The following DOP1B variants were observed in gnomAD, a reference collection of about 807,000 sequenced individuals.
DOP1B encodes protein DOP1B.
In DOP1B, 174 loss-of-function variants were observed where a neutral mutation model predicts 233.5. The observed-to-expected ratio is 0.75, with a 90% CI of 0.66 to 0.85. The LOEUF (loss-of-function observed/expected upper bound fraction) is 0.85, where lower values mean the gene tolerates loss of function less well. DOP1B is among the 40% of genes least tolerant of loss of function. DOP1B has a pLI of 0.00. For synonymous variants in DOP1B, 1,190 were observed against 1,185.6 expected (o/e 1.00, Z -0.08); for missense variants, 2,652 against 2,846.6 (o/e 0.93, Z 1.56).
intron 8 of DOP1B, 28 bp downstream of exon 8, chr21:36,214,218 G>T (rs1008024369): frequency 5.1e-6 from 8 of 1,563,394 alleles, no homozygotes; most frequent in South Asian, 1.1e-5. Flanking sequence ...GAAAGTTCAG[G>T]GTATCCTTGG....
chr21:36,208,902 A>G lies in DOP1B; in HGVS notation c.679A>G (p.Thr227Ala), dbSNP rs777451213. ...KYMLGTNHQLTVKSLRASLLD... is the reference protein window; with the variant it reads ...KYMLGTNHQLAVKSLRASLLD... ...CATGCTGGGGACCAATCACCAACTCACGGTGGGTGCTGTGTTCCTCACAGG... is the reference window on the plus strand; with the variant it reads ...CATGCTGGGGACCAATCACCAACTCGCGGTGGGTGCTGTGTTCCTCACAGG... Residue 227 changes from threonine (T) to alanine (A), a missense_variant and splice_region_variant, in exon 5 of 37, where the codon ACG (threonine) becomes GCG (alanine). This residue lies in a region of DOP1B where 2,617 missense variants were observed against 2,794.3 expected (regional missense o/e 0.94). Transcript: ENST00000691173. 6.5e-7 allele frequency: 1 copy of G among 1,529,460 alleles called. No individual in the cohort carries two copies. The highest frequency in any genetic ancestry group is 2.4e-5 in the East Asian group (1 of 41,764). The allele number at this position is 1,529,460 out of a possible 1,614,324, so 94.7% of individuals were successfully genotyped here.
intron 2 of DOP1B, chr21:36,169,439 A>C: frequency 9.6e-7 from 1 of 1,041,878 alleles, no homozygotes; most frequent in South Asian, 1.3e-5. Flanking sequence ...CACCTTGCAC[A>C]GGCCTCGGTG....
At chr21:36,278,118 A>G (rs749328264) in intron 29 of DOP1B, 34 bp downstream of exon 29, 2 of 1,612,790 alleles carry the variant, frequency 1.2e-6, no homozygotes, top group Admixed American at 1.7e-5. Context: ...TCCCACCCAT[A>G]TGCAGAAAAA....
chr21:36,170,028 A>T, intron 2 of DOP1B: 1 of 737,682 alleles, frequency 1.4e-6, no homozygotes, highest in Non-Finnish European at 2.5e-6. Flanking sequence ...GGGTCATGCC[A>T]GCCTTGTATC....
At chr21:36,158,079 A>G (rs1430467158) in intron 1 of DOP1B, among the ~76,000 whole-genome samples, 1 of 152,120 alleles carries the variant, frequency 6.6e-6, no homozygotes, top group African/African-American at 2.4e-5. Flanking sequence ...GATTACAGGT[A>G]TGAGCCACAG....
At chr21:36,284,265 CTTTTT>C (rs71326667) in intron 32 of DOP1B, among the ~76,000 whole-genome samples, 8 of 75,870 alleles carry the variant, frequency 1.1e-4, no homozygotes, top group East Asian at 3.0e-4. Flanking sequence ...TTCCTTCTTT[CTTTTT>C]TTTTTTTTTT....
intron 23 of DOP1B, among the ~76,000 whole-genome samples, chr21:36,260,180 G>A (rs1433235428): frequency 1.4e-5 from 2 of 139,564 alleles, no homozygotes; most frequent in African/African-American, 5.2e-5. Context: ...AAGGAAAGAA[G>A]GAATGCAAAG....
chr21:36,279,077 C>G (rs778859396), intron 30 of DOP1B, among the ~76,000 whole-genome samples: 1 of 151,894 alleles, frequency 6.6e-6, no homozygotes, highest in Non-Finnish European at 1.5e-5. Flanking sequence ...CACTGAGACT[C>G]AGATGCAAGA....
chr21:36,245,268 A>G lies in DOP1B; in HGVS notation c.3288A>G (p.Pro1096=), dbSNP rs1271380078. The G allele has an allele frequency of 1.2e-6, 2 of 1,613,994 alleles. No homozygotes were observed. Among genetic ancestry groups the G allele is most frequent in the Admixed American group, 3.3e-5 (2 of 60,008 alleles). Residue 1096 remains proline (P), a synonymous_variant, in exon 19 of 37, where the codon CCA becomes CCG. Transcript: ENST00000691173. This position sits in a 1 kb window ranked among gnomAD's most constrained non-coding sequence, Gnocchi z 5.5. ...EEELPYYVEL[P]DRTAHGAPDS... The stretch of plus-strand genomic sequence containing the variant: ...AGCTGCCCTACTACGTGGAGCTTCC[A>G]GACAGGACGGCCCACGGCGCCCCGG...
Position 36,190,641 on chromosome 21 carries a change from A to G in DOP1B, c.139-8429A>G, listed in dbSNP as rs190164757. Among the ~76,000 whole-genome samples the G allele has an allele frequency of 5.9e-5, 9 of 152,210 alleles. No individual in the cohort carries two copies. The East Asian group carries it at 1.7e-3, about 29-fold the overall frequency. ...TCAAACTCCTGACCTCAAGCGATCTACCTGCCTCGGCCTCCTAAAGTGTGG... is the reference window on the plus strand; with the variant it reads ...TCAAACTCCTGACCTCAAGCGATCTGCCTGCCTCGGCCTCCTAAAGTGTGG... On this transcript the variant is annotated intron_variant, in intron 2 of 36. Coordinates refer to ENST00000691173, the MANE Select transcript of DOP1B (RefSeq NM_001320714.2).
At chr21:36,188,399 T>C (rs1246403192) in intron 2 of DOP1B, among the ~76,000 whole-genome samples, 2 of 152,186 alleles carry the variant, frequency 1.3e-5, no homozygotes, top group African/African-American at 4.8e-5. Flanking sequence ...TCCCTCAAGC[T>C]GGCAAAGCAA....
chr21:36,211,665 A>T lies in DOP1B; in HGVS notation c.780+14A>T, dbSNP rs1282592127. 6.2e-7 allele frequency: 1 copy of T among 1,612,086 alleles called. No homozygotes were observed. The highest frequency in any genetic ancestry group is 1.7e-5 in the Admixed American group (1 of 59,998). ...TATACCTGTCTGGTAAGTAATTTGTACTCTTCTGGTAAGTCACTGGTGTTT... is the reference window on the plus strand; with the variant it reads ...TATACCTGTCTGGTAAGTAATTTGTTCTCTTCTGGTAAGTCACTGGTGTTT... On this transcript the variant is annotated intron_variant, in intron 6 of 36. Transcript: ENST00000691173.
intron 2 of DOP1B, among the ~76,000 whole-genome samples, chr21:36,190,873 A>G (rs992190364): frequency 6.6e-6 from 1 of 152,190 alleles, no homozygotes; most frequent in African/African-American, 2.4e-5. Context: ...GCCTGGATGG[A>G]GGATGGAGAT....
intron 22 of DOP1B, among the ~76,000 whole-genome samples, chr21:36,253,001 G>A (rs760174402): frequency 6.6e-5 from 10 of 152,148 alleles, no homozygotes; most frequent in Non-Finnish European, 8.8e-5. Flanking sequence ...AGACATGGGC[G>A]CCTGTTCTCT....
chr21:36,164,717 T>A lies in DOP1B; in HGVS notation c.-17T>A. On this transcript the variant is annotated 5_prime_UTR_variant, in exon 2 of 37. Coordinates refer to ENST00000691173, the MANE Select transcript of DOP1B (RefSeq NM_001320714.2). ...TTTGATTTGCTTTTAGATACTTTTC[T>A]GCTGTGAGAATGTAAGATGGATCCA... 1 of 1,552,488 alleles carries A rather than the reference T, an allele frequency of 6.4e-7. No individual in the cohort carries two copies. The highest frequency in any genetic ancestry group is 8.7e-7 in the Non-Finnish European group (1 of 1,152,722).
At position 36,162,604 on chromosome 21, in the gene DOP1B, A is replaced by G. The variant is rs369088577; in HGVS notation, c.-26-2104A>G. On this transcript the variant is annotated intron_variant, in intron 1 of 36. Coordinates refer to ENST00000691173, the MANE Select transcript of DOP1B (RefSeq NM_001320714.2). ...TACCCAGGCTGGGGTACAGTGGCGCAGTCTCACCTCACTGCAACCTCCATG... is the reference window on the plus strand; with the variant it reads ...TACCCAGGCTGGGGTACAGTGGCGCGGTCTCACCTCACTGCAACCTCCATG... 3.0e-4 allele frequency among the ~76,000 whole-genome samples: 45 copies of G among 152,112 alleles called. No individual in the cohort carries two copies. In the East Asian group the frequency reaches 8.5e-3, roughly 29 times the overall value.
intron 9 of DOP1B, among the ~76,000 whole-genome samples, chr21:36,216,504 G>A (rs903677709): frequency 1.3e-5 from 2 of 152,034 alleles, no homozygotes; most frequent in Admixed American, 1.3e-4. Context: ...GCAGCTACTT[G>A]GGAGTCTGAG....
At chr21:36,183,118 C>T (rs1473666637) in intron 2 of DOP1B, among the ~76,000 whole-genome samples, 1 of 152,178 alleles carries the variant, frequency 6.6e-6, no homozygotes, top group African/African-American at 2.4e-5. Flanking sequence ...TACAGCCTCA[C>T]ACAATCCTCT....
intron 2 of DOP1B, among the ~76,000 whole-genome samples, chr21:36,198,061 C>T (rs1447352644): frequency 6.6e-6 from 1 of 151,096 alleles, no homozygotes; most frequent in Non-Finnish European, 1.5e-5. Context: ...ACCCTGTAGG[C>T]CTTCAGTAAA....
Sources: allele counts gnomAD v4.1 joint callset (sites outside exome capture counted in the v4.1 genomes callset), GRCh38; gene constraint gnomAD v4.1.1; regional missense constraint gnomAD v4.1.1; non-coding constraint Gnocchi (gnomAD v3.1); transcripts MANE v1.5; gene names NCBI Gene and HGNC (gene_info 2026-07-23, HGNC 2026-07-21).